PDE4D: variants seen among roughly 807,000 people sequenced by gnomAD.
The protein encoded by PDE4D is phosphodiesterase 4D.
A neutral mutation model predicts 87.4 loss-of-function variants in PDE4D; 24 were observed. The ratio of observed to expected loss-of-function variants is 0.27; its 90% confidence interval spans 0.20 to 0.39. PDE4D has a LOEUF of 0.39. Ranked by LOEUF, PDE4D falls within the 10% of genes least tolerant of loss-of-function variation. The pLI, the probability that PDE4D is intolerant of heterozygous loss-of-function variation, is 1.00. For missense variants in PDE4D, 714 were observed against 1,041.0 expected, an observed-to-expected ratio of 0.69 and a Z score of 4.32; for synonymous variants, 384 against 383.2, an observed-to-expected ratio of 1.00 and a Z score of -0.02.
At chr5:60,177,843 G>C (rs1784056331) in intron 2 of PDE4D, among the ~76,000 whole-genome samples, 2 of 152,106 alleles carry the variant, frequency 1.3e-5, no homozygotes, top group South Asian at 4.1e-4. Context: ...AATTTGTAAA[G>C]CTAAGCCACA....
At chr5:59,830,056 A>T (rs1054933140) in intron 1 of PDE4D, among the ~76,000 whole-genome samples, 2 of 152,098 alleles carry the variant, frequency 1.3e-5, no homozygotes, top group African/African-American at 4.8e-5. Context: ...CCAGACAAGT[A>T]CACTGTTTAC....
In PDE4D at chr5:59,285,508, T is replaced by C. The variant is rs114216025; in HGVS notation, c.456-69540A>G. Among the ~76,000 whole-genome samples the C allele has an allele frequency of 1.0e-2, 1,488 of 149,048 alleles. 27 individuals are homozygous for C. Among genetic ancestry groups the C allele is most frequent in the African/African-American group, 0.035 (1,418 of 40,332 alleles). The stretch of plus-strand genomic sequence containing the variant: ...CAAAAAGGAGTTCCTACAATAGTGT[T>C]ATAATTAAAAAAAAAATTCTCCCAA... On this transcript the variant is annotated intron_variant, in intron 1 of 14. Transcript: ENST00000340635.
intron 1 of PDE4D, among the ~76,000 whole-genome samples, chr5:59,534,203 T>C (rs772993008): frequency 4.6e-5 from 7 of 152,210 alleles, no homozygotes; most frequent in Non-Finnish European, 7.4e-5. Context: ...TTTCTTGCTC[T>C]AAAATTTTAT....
intron 1 of PDE4D, among the ~76,000 whole-genome samples, chr5:60,497,682 T>C (rs569705677): frequency 6.6e-6 from 1 of 152,224 alleles, no homozygotes; most frequent in East Asian, 1.9e-4. Context: ...TAGATTACAG[T>C]GTGAGTCATG....
intron 1 of PDE4D, among the ~76,000 whole-genome samples, chr5:59,890,754 C>T (rs1446956592): frequency 3.9e-5 from 6 of 152,156 alleles, no homozygotes; most frequent in East Asian, 1.9e-4. Context: ...ACAAATTGCT[C>T]GCATCTTCTG....
chr5:60,460,354 T>C (rs1334731652), intron 1 of PDE4D: 1 of 989,456 alleles, frequency 1.0e-6, no homozygotes, highest in South Asian at 1.3e-5. Flanking sequence ...TGATTTAATA[T>C]CTTCAAATTC....
chr5:59,785,105 AT>A (rs1350212646), intron 1 of PDE4D, among the ~76,000 whole-genome samples: 2 of 152,166 alleles, frequency 1.3e-5, no homozygotes, highest in African/African-American at 2.4e-5. Flanking sequence ...ATTTAGGAAA[AT>A]TTTACTCAAT....
At chr5:60,386,137 G>A (rs1762175534) in intron 1 of PDE4D, among the ~76,000 whole-genome samples, 1 of 151,904 alleles carries the variant, frequency 6.6e-6, no homozygotes, top group Admixed American at 6.6e-5. Context: ...TAATTAAAAT[G>A]GCAAACAACA....
intron 3 of PDE4D, among the ~76,000 whole-genome samples, chr5:59,967,023 G>A (rs1384193789): frequency 6.6e-6 from 1 of 152,202 alleles, no homozygotes; most frequent in Non-Finnish European, 1.5e-5. Flanking sequence ...AACTACAGGT[G>A]TGGGGAATTT....
chr5:60,342,809 A>T (rs1246028875), intron 1 of PDE4D, among the ~76,000 whole-genome samples: 1 of 152,210 alleles, frequency 6.6e-6, no homozygotes, highest in Admixed American at 6.5e-5. Flanking sequence ...TACAATAAAT[A>T]GTGCATTCTC....
chr5:59,793,910 C>A (rs2152652611), intron 1 of PDE4D, among the ~76,000 whole-genome samples: 2 of 152,302 alleles, frequency 1.3e-5, no homozygotes, highest in Middle Eastern at 6.8e-3. Flanking sequence ...GATTTAATCC[C>A]TATCCCAGTG....
At chr5:60,285,140 T>C (rs1260348799) in intron 1 of PDE4D, among the ~76,000 whole-genome samples, 1 of 152,100 alleles carries the variant, frequency 6.6e-6, no homozygotes, top group Non-Finnish European at 1.5e-5. Context: ...TTCTATTTAG[T>C]TTTCACATAA....
chr5:59,678,578 G>T (rs1461314147), intron 1 of PDE4D, among the ~76,000 whole-genome samples: 1 of 152,106 alleles, frequency 6.6e-6, no homozygotes, highest in East Asian at 1.9e-4. Flanking sequence ...CACTTCTCCT[G>T]CCTCAGGCGC....
chr5:59,549,679 T>C (rs1817801073), intron 1 of PDE4D, among the ~76,000 whole-genome samples: 1 of 152,136 alleles, frequency 6.6e-6, no homozygotes, highest in African/African-American at 2.4e-5. Context: ...TGAAACTCTG[T>C]ACCCACCCAA....
intron 1 of PDE4D, among the ~76,000 whole-genome samples, chr5:59,559,322 T>G (rs949043692): frequency 6.6e-6 from 1 of 152,132 alleles, no homozygotes; most frequent in African/African-American, 2.4e-5. Context: ...AGCTTGAAAA[T>G]AGTATAATTC....
intron 1 of PDE4D, among the ~76,000 whole-genome samples, chr5:60,363,603 T>C (rs1410095289): frequency 6.6e-6 from 1 of 152,196 alleles, no homozygotes; most frequent in Non-Finnish European, 1.5e-5. Context: ...ATAAGTAAGA[T>C]AAGTTCAAAT....
intron 1 of PDE4D, among the ~76,000 whole-genome samples, chr5:59,394,884 C>A (rs1316222361): frequency 1.3e-5 from 2 of 152,078 alleles, no homozygotes; most frequent in Non-Finnish European, 2.9e-5. Flanking sequence ...GCACCGTGCA[C>A]AAGCCGAAGC....
intron 1 of PDE4D, among the ~76,000 whole-genome samples, chr5:59,546,707 G>C (rs528281139): frequency 1.3e-5 from 2 of 152,258 alleles, no homozygotes; most frequent in Non-Finnish European, 2.9e-5. Context: ...TGAAGGAAAA[G>C]ACGAACTACC....
intron 5 of PDE4D, among the ~76,000 whole-genome samples, chr5:59,083,345 C>T (rs182957689): frequency 1.6e-4 from 25 of 151,758 alleles, no homozygotes; most frequent in African/African-American, 4.3e-4. Context: ...TTTCCTTGTT[C>T]GGTGTTGGAT....
Sources: allele counts gnomAD v4.1 joint callset (sites outside exome capture counted in the v4.1 genomes callset), GRCh38; gene constraint gnomAD v4.1.1; transcripts MANE v1.5; gene names NCBI Gene and HGNC (gene_info 2026-07-23, HGNC 2026-07-21).